VPS35L: variants seen among roughly 807,000 people sequenced by gnomAD.
VPS35L encodes VPS35 endosomal protein sorting factor like, also known as VPS35 endosomal protein-sorting factor-like.
In VPS35L, 83 loss-of-function variants were observed where a neutral mutation model predicts 133.0. The ratio of observed to expected loss-of-function variants is 0.62; its 90% CI spans 0.52 to 0.75. The LOEUF (loss-of-function observed/expected upper bound fraction) is 0.75. Ranked by LOEUF, VPS35L falls within the 30% of genes least tolerant of loss-of-function variation. The probability of loss-of-function intolerance (pLI) is 0.00; values close to 1 mark genes in which losing one functional copy is unlikely to be tolerated. For synonymous variants in VPS35L, 423 were observed against 449.9 expected, an observed-to-expected ratio of 0.94 and a Z score of 0.76; for missense variants, 1,083 against 1,206.8, an observed-to-expected ratio of 0.90 and a Z score of 1.52.
Position 19,657,052 on chromosome 16 carries a change from G to C in VPS35L, c.2221+4962G>C, listed in dbSNP as rs529555488. Reference sequence around the variant, plus strand: ...GTGATCTCTGCTCGCTGCAACCTCCGTCTCCCAAGTTCAAGTGATTTTCCT... The same window carrying C: ...GTGATCTCTGCTCGCTGCAACCTCCCTCTCCCAAGTTCAAGTGATTTTCCT... On this transcript the variant is annotated intron_variant, in intron 26 of 30. Coordinates refer to ENST00000417362, the MANE Select transcript of VPS35L (RefSeq NM_020314.7). 7.7e-5 allele frequency among the ~76,000 whole-genome samples: 11 copies of C among 143,732 alleles called. No individual in the cohort carries two copies. The Admixed American group carries it at 8.3e-4, about 11-fold the overall frequency. 94.3% of individuals were successfully genotyped at this position (143,732 alleles called of 152,430 possible).
intron 26 of VPS35L, among the ~76,000 whole-genome samples, chr16:19,654,471 A>G (rs1974235768): frequency 1.3e-5 from 2 of 151,800 alleles, no homozygotes; most frequent in African/African-American, 4.8e-5. Flanking sequence ...AGGCACAACA[A>G]TCGCATGAAC....
chr16:19,696,328 T>C (rs1009697719), intron 29 of VPS35L, among the ~76,000 whole-genome samples: 2 of 152,030 alleles, frequency 1.3e-5, no homozygotes, highest in African/African-American at 4.8e-5. Context: ...CCCCACTGAG[T>C]GGGGTGGGCG....
At chr16:19,626,307 G>T in intron 15 of VPS35L, 84 bp downstream of exon 15, 2 of 974,774 alleles carry the variant, frequency 2.1e-6, no homozygotes, top group Non-Finnish European at 3.3e-6. Flanking sequence ...ACCTGGGTAT[G>T]AGCTGAAGAG....
chr16:19,699,729 A>G lies in VPS35L; in HGVS notation c.2793+81A>G, dbSNP rs1976047676. 8 of 1,560,398 alleles carry G rather than the reference A, an allele frequency of 5.1e-6. No individual in the cohort carries two copies. The highest frequency in any genetic ancestry group is 2.3e-5 in the East Asian group (1 of 44,326). On this transcript the variant is annotated intron_variant, in intron 30 of 30. Transcript: ENST00000417362. This position sits in a 1 kb window ranked among gnomAD's most constrained non-coding sequence, Gnocchi z 4.2. The stretch of plus-strand genomic sequence containing the variant: ...CTCAACACAGCATTGTGGCCTGGAC[A>G]TCAGACAGACAACCCCATACTCCCC...
In VPS35L at chr16:19,640,090, G is replaced by A. The variant is rs1288547923; in HGVS notation, c.1774G>A (p.Ala592Thr). The change falls in exon 21 of 31, where the codon GCC becomes ACC. Residue 592 changes from alanine (A) to threonine (T), a missense_variant. By Grantham distance (58) the Ala-to-Thr change is moderately conservative. Transcript: ENST00000417362. ...RVEVCKCIMDAFIKHQQEPTK... is the reference protein window; with the variant it reads ...RVEVCKCIMDTFIKHQQEPTK... ...GGAGGTTTGCAAATGCATCATGGACGCCTTTATCAAGTGAGTGCCACTGCG... is the reference window on the plus strand; with the variant it reads ...GGAGGTTTGCAAATGCATCATGGACACCTTTATCAAGTGAGTGCCACTGCG... The A allele has an allele frequency of 7.4e-6, 12 of 1,613,864 alleles. No individual in the cohort carries two copies. Among genetic ancestry groups the A allele is most frequent in the African/African-American group, 1.3e-5 (1 of 74,920 alleles).
At chr16:19,670,763 A>G (rs959507863) in intron 27 of VPS35L, among the ~76,000 whole-genome samples, 5 of 152,154 alleles carry the variant, frequency 3.3e-5, no homozygotes, top group African/African-American at 1.2e-4. Flanking sequence ...GGGTCCTTAT[A>G]ACTTGGAGTC....
At chr16:19,691,933 G>A (rs1235775888) in intron 29 of VPS35L, among the ~76,000 whole-genome samples, 1 of 151,572 alleles carries the variant, frequency 6.6e-6, no homozygotes, top group Non-Finnish European at 1.5e-5. Flanking sequence ...GGAGTGCAGT[G>A]GCATAATCTC....
rs186323928 is a variant in VPS35L, at chr16:19,644,548, T to A, written c.1866-338T>A. ...CCAGCACACCCCGCTGGAGATTTTT[T>A]AAATAAAATATTCAATGAAATTTCC... On this transcript the variant is annotated intron_variant, in intron 22 of 30. Coordinates refer to ENST00000417362, the MANE Select transcript of VPS35L (RefSeq NM_020314.7). Among the ~76,000 whole-genome samples the A allele has an allele frequency of 1.2e-3, 182 of 152,322 alleles. 2 individuals are homozygous for A. Among genetic ancestry groups the A allele is most frequent in the African/African-American group, 4.1e-3 (172 of 41,570 alleles).
chr16:19,647,880 C>T lies in VPS35L; in HGVS notation c.2026C>T (p.His676Tyr), dbSNP rs745857160. The T allele has an allele frequency of 3.1e-6, 5 of 1,607,314 alleles. No homozygotes were observed. In the South Asian group the frequency reaches 4.4e-5, roughly 14 times the overall value. The change falls in exon 24 of 31, where the codon CAT becomes TAT. Residue 676 changes from histidine to tyrosine, a missense_variant and splice_region_variant. By Grantham distance (83) the His-to-Tyr change is moderately conservative. Transcript: ENST00000417362. ...GGAGCCTGTTCTTGTGCAGTTGATT[C>T]ATGTAAGTATTTTCATTCATTAGTT... ...NLEPVLVQLI[H>Y]SVNRLAMETR...
At chr16:19,623,286 C>T (rs982312667) in intron 14 of VPS35L, among the ~76,000 whole-genome samples, 1 of 152,138 alleles carries the variant, frequency 6.6e-6, no homozygotes, top group African/African-American at 2.4e-5. Flanking sequence ...ATCAAGGGGC[C>T]AGCAAGGTTG....
intron 26 of VPS35L, among the ~76,000 whole-genome samples, chr16:19,663,384 C>T (rs1198565271): frequency 6.6e-6 from 1 of 152,122 alleles, no homozygotes; most frequent in Non-Finnish European, 1.5e-5. Flanking sequence ...TCCACCACTC[C>T]AATATTACAC....
At chr16:19,566,624 G>T (rs1290736720) in intron 2 of VPS35L, among the ~76,000 whole-genome samples, 3 of 152,220 alleles carry the variant, frequency 2.0e-5, no homozygotes, top group Non-Finnish European at 4.4e-5. Context: ...CAGTCACGTG[G>T]TAGAAGATTT....
At chr16:19,585,838 A>G (rs1377997969) in intron 7 of VPS35L, among the ~76,000 whole-genome samples, 1 of 152,144 alleles carries the variant, frequency 6.6e-6, no homozygotes, top group Non-Finnish European at 1.5e-5. Context: ...GTATATCTAT[A>G]GTGAAATGTC....
intron 25 of VPS35L, among the ~76,000 whole-genome samples, chr16:19,651,067 G>A (rs1314869190): frequency 1.3e-5 from 2 of 152,098 alleles, no homozygotes; most frequent in East Asian, 3.9e-4. Context: ...TTTTAGTAGA[G>A]ATGGGGGTTT....
chr16:19,606,683 T>C (rs1213561390), intron 9 of VPS35L, among the ~76,000 whole-genome samples: 3 of 152,234 alleles, frequency 2.0e-5, no homozygotes, highest in Non-Finnish European at 1.5e-5. Flanking sequence ...AAATGACTCA[T>C]TGCAAAACAG....
At chr16:19,670,204 T>A (rs1047150415) in intron 27 of VPS35L, among the ~76,000 whole-genome samples, 6 of 152,352 alleles carry the variant, frequency 3.9e-5, no homozygotes, top group Non-Finnish European at 8.8e-5. Context: ...ACCTAATTAC[T>A]ACCCAAGGGC....
At chr16:19,616,620 G>A in intron 13 of VPS35L, 66 bp from the exon 14 acceptor site, 1 of 1,569,604 alleles carries the variant, frequency 6.4e-7, no homozygotes, top group East Asian at 2.2e-5. Flanking sequence ...TCTGTGAGTT[G>A]TGTATGTTTT....
At chr16:19,616,545 A>G in intron 13 of VPS35L, 141 bp from the exon 14 acceptor site, 2 of 1,213,098 alleles carry the variant, frequency 1.6e-6, no homozygotes, top group East Asian at 2.6e-5. Flanking sequence ...GTTTAAAAAA[A>G]AAAAACAACC....
At chr16:19,656,712 A>G (rs1974314440) in intron 26 of VPS35L, among the ~76,000 whole-genome samples, 2 of 152,108 alleles carry the variant, frequency 1.3e-5, no homozygotes, top group Non-Finnish European at 2.9e-5. Flanking sequence ...TTATCTTAGT[A>G]TAAACATCTC....
Sources: allele counts gnomAD v4.1 joint callset (sites outside exome capture counted in the v4.1 genomes callset), GRCh38; gene constraint gnomAD v4.1.1; non-coding constraint Gnocchi (gnomAD v3.1); transcripts MANE v1.5; gene names NCBI Gene and HGNC (gene_info 2026-07-23, HGNC 2026-07-21).